Variants in SLCO1B1 observed in about 807,000 individuals in gnomAD.
SLCO1B1 encodes OATP-2.
A neutral mutation model predicts 70.1 loss-of-function variants in SLCO1B1; 81 were observed. The observed-to-expected ratio is 1.16, with a 90% CI of 0.97 to 1.39. SLCO1B1 has a LOEUF of 1.39. Among genes scored for constraint, SLCO1B1 ranks in the 40% most tolerant of loss-of-function variants. The pLI is 0.00. For synonymous variants in SLCO1B1, 283 were observed against 271.5 expected (o/e 1.04, Z -0.42); for missense variants, 895 against 799.6 (o/e 1.12, Z -1.44).
At chr12:21,234,398 A>G (rs1941574980) in intron 14 of SLCO1B1, among the ~76,000 whole-genome samples, 1 of 152,188 alleles carries the variant, frequency 6.6e-6, no homozygotes, top group African/African-American at 2.4e-5. Flanking sequence ...CTCCAGATGC[A>G]TTACTCCTAA....
chr12:21,179,070 A>G, intron 7 of SLCO1B1, 50 bp downstream of exon 7: 2 of 1,146,932 alleles, frequency 1.7e-6, no homozygotes, highest in Non-Finnish European at 2.6e-6. Context: ...CTAAGCACAC[A>G]TGCGAAAAAC....
intron 3 of SLCO1B1, 49 bp downstream of exon 3, chr12:21,172,840 T>C (rs774270172): frequency 1.4e-5 from 22 of 1,530,416 alleles, no homozygotes; most frequent in Non-Finnish European, 1.9e-5. Context: ...AGTTAAAAAA[T>C]ATATATGCTT....
At chr12:21,146,839 G>A (rs568357267) in intron 2 of SLCO1B1, among the ~76,000 whole-genome samples, 1 of 152,212 alleles carries the variant, frequency 6.6e-6, no homozygotes, top group South Asian at 2.1e-4. Flanking sequence ...TTATGGCTTA[G>A]GCTGTGGTAT....
At chr12:21,214,570 T>A (rs187811420) in intron 11 of SLCO1B1, among the ~76,000 whole-genome samples, 3 of 150,682 alleles carry the variant, frequency 2.0e-5, no homozygotes, top group Non-Finnish European at 4.4e-5. Flanking sequence ...CAGGCCTCCT[T>A]GAGCTGTGGT....
intron 14 of SLCO1B1, among the ~76,000 whole-genome samples, chr12:21,238,015 T>C (rs1284429917): frequency 6.6e-6 from 1 of 152,154 alleles, no homozygotes; most frequent in Non-Finnish European, 1.5e-5. Flanking sequence ...ACCTGGCCAG[T>C]AATTATTTTT....
chr12:21,181,829 T>G (rs1256058246), intron 7 of SLCO1B1, among the ~76,000 whole-genome samples: 1 of 151,948 alleles, frequency 6.6e-6, no homozygotes, highest in African/African-American at 2.4e-5. Context: ...TTTGAGAAAA[T>G]TTATAGATGA....
chr12:21,224,207 A>G (rs1941460378), intron 13 of SLCO1B1, among the ~76,000 whole-genome samples: 1 of 152,098 alleles, frequency 6.6e-6, no homozygotes, highest in African/African-American at 2.4e-5. Flanking sequence ...CACTCTCTGA[A>G]GCTCAGCCTA....
intron 8 of SLCO1B1, among the ~76,000 whole-genome samples, chr12:21,199,110 T>C (rs1208405020): frequency 6.6e-6 from 1 of 152,114 alleles, no homozygotes; most frequent in East Asian, 1.9e-4. Context: ...GTTTCTTTTC[T>C]CTAACTCCTT....
Position 21,141,589 on chromosome 12 carries a change from A to G in SLCO1B1, c.15A>G (p.Gln5=), listed in dbSNP as rs1940308950. 2 of 1,607,694 alleles carry G rather than the reference A, an allele frequency of 1.2e-6. No individual in the cohort carries two copies. Among genetic ancestry groups the G allele is most frequent in the Non-Finnish European group, 1.7e-6 (2 of 1,175,188 alleles). MDQN[Q]HLNKTAEAQP... ...ATATTTCAATCATGGACCAAAATCAACATTTGAATAAAACAGCAGAGGCAC... is the reference window on the plus strand; with the variant it reads ...ATATTTCAATCATGGACCAAAATCAGCATTTGAATAAAACAGCAGAGGCAC... Residue 5 remains glutamine (Q), a synonymous_variant, in exon 2 of 15, where the codon CAA becomes CAG. Coordinates refer to ENST00000256958, the MANE Select transcript of SLCO1B1 (RefSeq NM_006446.5).
At chr12:21,185,529 C>T (rs1054341561) in intron 7 of SLCO1B1, among the ~76,000 whole-genome samples, 2 of 151,750 alleles carry the variant, frequency 1.3e-5, no homozygotes, top group South Asian at 2.1e-4. Context: ...AAAGTAAAAC[C>T]GTTTTTGACA....
At chr12:21,209,815 A>C (rs1365700451) in intron 11 of SLCO1B1, among the ~76,000 whole-genome samples, 2 of 151,626 alleles carry the variant, frequency 1.3e-5, no homozygotes. Flanking sequence ...GCCAGTGATG[A>C]TGAGCATTTT....
intron 14 of SLCO1B1, among the ~76,000 whole-genome samples, chr12:21,226,806 G>T (rs548437208): frequency 4.6e-5 from 7 of 152,190 alleles, no homozygotes; most frequent in African/African-American, 1.7e-4. Context: ...GAAACTGTAT[G>T]TGTGGGGCGG....
At chr12:21,141,966 T>C (rs1423353629) in intron 2 of SLCO1B1, among the ~76,000 whole-genome samples, 1 of 151,554 alleles carries the variant, frequency 6.6e-6, no homozygotes, top group Non-Finnish European at 1.5e-5. Flanking sequence ...AAATAAAAAA[T>C]GCATAATGAA....
intron 11 of SLCO1B1, among the ~76,000 whole-genome samples, chr12:21,206,961 A>C (rs1349872111): frequency 6.6e-6 from 1 of 151,926 alleles, no homozygotes; most frequent in Admixed American, 6.6e-5. Context: ...GTAGAATTTT[A>C]AAGAATAAAG....
intron 11 of SLCO1B1, among the ~76,000 whole-genome samples, chr12:21,211,034 T>G (rs1220415530): frequency 1.3e-5 from 2 of 152,206 alleles, no homozygotes; most frequent in African/African-American, 2.4e-5. Context: ...CCTCTTTTCC[T>G]AATTGAATAC....
chr12:21,196,852 G>A lies in SLCO1B1; in HGVS notation c.728-94G>A, dbSNP rs572488979. ...GAAAAAAATCGTGTCTTGGAATTGA[G>A]GAAATGTAGTTTACTTTCTTCATAC... On this transcript the variant is annotated intron_variant, in intron 7 of 14. Coordinates refer to ENST00000256958, the MANE Select transcript of SLCO1B1 (RefSeq NM_006446.5). 1.1e-5 allele frequency: 14 copies of A among 1,280,068 alleles called. No individual in the cohort carries two copies. In the South Asian group the frequency reaches 1.4e-4, roughly 13 times the overall value. 79.3% of individuals were successfully genotyped at this position (1,280,068 alleles called of 1,614,324 possible).
intron 2 of SLCO1B1, among the ~76,000 whole-genome samples, chr12:21,171,838 GGAGA>G (rs138408337): frequency 5.9e-5 from 9 of 151,624 alleles, no homozygotes; most frequent in Non-Finnish European, 1.3e-4. Flanking sequence ...TGGGGGTAGG[GGAGA>G]GAGAGAGAGA....
chr12:21,212,352 G>A (rs1232652679), intron 11 of SLCO1B1, among the ~76,000 whole-genome samples: 1 of 96,906 alleles, frequency 1.0e-5, no homozygotes, highest in African/African-American at 4.2e-5. Flanking sequence ...AGGTTGTTCA[G>A]TTTCCATGTA....
At chr12:21,207,130 TA>T (rs988833608) in intron 11 of SLCO1B1, among the ~76,000 whole-genome samples, 1 of 151,956 alleles carries the variant, frequency 6.6e-6, no homozygotes, top group Admixed American at 6.6e-5. Flanking sequence ...TGCTGTTTTT[TA>T]AAAAAATAAT....
Sources: gnomAD v4.1 joint callset for allele counts (sites outside exome capture counted in the v4.1 genomes callset) on GRCh38, gnomAD v4.1.1 for gene constraint, MANE v1.5 for transcripts, NCBI Gene and HGNC (gene_info 2026-07-23, HGNC 2026-07-21) for gene names.